The following FREM2 variants were observed in gnomAD, a reference collection of about 807,000 sequenced individuals.
FREM2 encodes FRAS1-related extracellular matrix protein 2.
Under a neutral mutation model 219.9 loss-of-function variants are expected in FREM2, and 119 were observed. The observed-to-expected ratio is 0.54, with a 90% CI of 0.47 to 0.63. The LOEUF (loss-of-function observed/expected upper bound fraction) is 0.63, where lower values mean the gene tolerates loss of function less well. FREM2 is among the 30% of genes least tolerant of loss of function. The pLI, the probability that FREM2 is intolerant of heterozygous loss-of-function variation, is 0.00. For missense variants in FREM2, 4,030 were observed against 3,993.6 expected (o/e 1.01, Z -0.25); for synonymous variants, 1,562 against 1,522.8 (o/e 1.03, Z -0.60).
chr13:38,732,287 G>C (rs1010912890), intron 2 of FREM2, among the ~76,000 whole-genome samples: 7 of 152,106 alleles, frequency 4.6e-5, no homozygotes, highest in African/African-American at 1.7e-4. Context: ...TGTCAATTCA[G>C]GTTTCATGTC....
At chr13:38,758,279 C>T (rs747788546) in intron 2 of FREM2, among the ~76,000 whole-genome samples, 16 of 152,160 alleles carry the variant, frequency 1.1e-4, no homozygotes, top group Non-Finnish European at 1.0e-4. Context: ...ATTTTTTAAA[C>T]CGGATTTCTT....
In FREM2 at chr13:38,689,270, G is replaced by A. The variant is rs1037243942; in HGVS notation, c.1926G>A (p.Glu642=). Residue 642 remains glutamate, a synonymous_variant, in exon 1 of 24, where the codon GAG becomes GAA. Transcript: ENST00000280481. ...CATTTTATGAGCGAACAGTGACAGA[G>A]TGGCAGCAGCAGGACATAACAGAGG... is the stretch of plus-strand genomic sequence containing the variant. ...EGAFYERTVT[E]WQQQDITEGR... is the part of the protein sequence containing the mutation. 2 of 1,614,134 alleles carry A rather than the reference G, an allele frequency of 1.2e-6. No individual in the cohort carries two copies. Among genetic ancestry groups the A allele is most frequent in the Non-Finnish European group, 1.7e-6 (2 of 1,180,038 alleles).
chr13:38,689,160 A>G lies in FREM2; in HGVS notation c.1816A>G (p.Thr606Ala). The change falls in exon 1 of 24, where the codon ACT (threonine) becomes GCT (alanine). Residue 606 changes from threonine to alanine, a missense_variant. By Grantham distance (58) the Thr-to-Ala change is moderately conservative. This residue lies in a region of FREM2 where 3,102 missense variants were observed against 2,950.7 expected (regional missense o/e 1.05). Transcript: ENST00000280481. ...TTTTGTGCTGGAGTCACCCTTCTTA[A>G]CTACGGGGCATCTGCTTCTCCGCCA... ...LLFVLESPFLTTGHLLLRQTH... is the reference protein window; with the variant it reads ...LLFVLESPFLATGHLLLRQTH... The G allele has an allele frequency of 4.3e-6, 7 of 1,613,904 alleles. No homozygotes were observed. Among genetic ancestry groups the G allele is most frequent in the Non-Finnish European group, 5.9e-6 (7 of 1,180,006 alleles).
At chr13:38,756,316 C>T (rs1389166283) in intron 2 of FREM2, among the ~76,000 whole-genome samples, 1 of 152,158 alleles carries the variant, frequency 6.6e-6, no homozygotes, top group East Asian at 1.9e-4. Context: ...CCTCTGGTCA[C>T]ATTTCATCAA....
chr13:38,861,543 C>T lies in FREM2; in HGVS notation c.7632C>T (p.Val2544=), dbSNP rs373999536. The T allele has an allele frequency of 1.9e-6, 3 of 1,613,842 alleles. No homozygotes were observed. The highest frequency in any genetic ancestry group is 2.5e-6 in the Non-Finnish European group (3 of 1,179,952). ...ADYTNLIKLT[V]TMPHIDGMLP... ...ACACAAACCTTATCAAGCTCACTGT[C>T]ACAATGCCACACATAGATGGTAGGT... The change falls in exon 15 of 24, where the codon GTC becomes GTT. Residue 2544 remains valine (V), a synonymous_variant. Transcript: ENST00000280481.
Position 38,691,696 on chromosome 13 carries a change from G to A in FREM2, c.4352G>A (p.Ser1451Asn), listed in dbSNP as rs768059632. The A allele has an allele frequency of 2.5e-6, 4 of 1,613,732 alleles. No individual in the cohort carries two copies. Among genetic ancestry groups the A allele is most frequent in the Non-Finnish European group, 3.4e-6 (4 of 1,179,778 alleles). ...CTACTAAGCACTAGTGACTTGAACAGTCCTGATGAAAACTTGGTTTTTACC... is the reference window on the plus strand; with the variant it reads ...CTACTAAGCACTAGTGACTTGAACAATCCTGATGAAAACTTGGTTTTTACC... ...TDLLSTSDLN[S>N]PDENLVFTIT... The change falls in exon 1 of 24, where the codon AGT becomes AAT. Residue 1451 changes from serine (S) to asparagine (N), a missense_variant. Physicochemically the swap from Ser to Asn is conservative, Grantham distance 46. Coordinates refer to ENST00000280481, the MANE Select transcript of FREM2 (RefSeq NM_207361.6).
intron 5 of FREM2, 135 bp from the exon 6 acceptor site, chr13:38,784,422 G>A (rs1874242978): frequency 1.2e-6 from 1 of 855,488 alleles, no homozygotes; most frequent in African/African-American, 1.7e-5. Context: ...ACAGTACGTA[G>A]TTGCTATTGC....
chr13:38,795,083 A>G (rs1874715969), intron 6 of FREM2, among the ~76,000 whole-genome samples: 1 of 152,088 alleles, frequency 6.6e-6, no homozygotes, highest in South Asian at 2.1e-4. Flanking sequence ...GCTGTAATGA[A>G]TCCTGAATCT....
chr13:38,848,733 A>G (rs1877259853), intron 8 of FREM2, 63 bp downstream of exon 8: 1 of 1,321,016 alleles, frequency 7.6e-7, no homozygotes, highest in Non-Finnish European at 1.1e-6. Flanking sequence ...AGGTTTATGT[A>G]TATATGATAA....
chr13:38,744,939 G>A, intron 2 of FREM2, among the ~76,000 whole-genome samples: 1 of 152,200 alleles, frequency 6.6e-6, no homozygotes, highest in Non-Finnish European at 1.5e-5. Context: ...CATTATTTAT[G>A]TGGTTTATAA....
intron 6 of FREM2, among the ~76,000 whole-genome samples, chr13:38,799,889 C>A (rs944544647): frequency 6.6e-6 from 1 of 152,060 alleles, no homozygotes; most frequent in Admixed American, 6.6e-5. Flanking sequence ...TTCTTATAGG[C>A]AGCATATATT....
At chr13:38,833,202 A>G (rs899948969) in intron 6 of FREM2, among the ~76,000 whole-genome samples, 1 of 152,204 alleles carries the variant, frequency 6.6e-6, no homozygotes, top group East Asian at 1.9e-4. Context: ...TATAACTGGC[A>G]TATGGTTTTG....
Position 38,687,572 on chromosome 13 carries a change from C to T in FREM2, c.228C>T (p.Asn76=), listed in dbSNP as rs1290891505. ...CTGAGGAGGCCATAGTGCTGGCGAA[C>T]CGCGGACTCCGGGTGCCTTTCGGCC... ...VPAEEAIVLA[N]RGLRVPFGRE... Residue 76 remains asparagine, a synonymous_variant, in exon 1 of 24, where the codon AAC becomes AAT. Coordinates refer to ENST00000280481, the MANE Select transcript of FREM2 (RefSeq NM_207361.6). 4 of 1,603,608 alleles carry T rather than the reference C, an allele frequency of 2.5e-6. No homozygotes were observed. Among genetic ancestry groups the T allele is most frequent in the Non-Finnish European group, 1.7e-6 (2 of 1,174,606 alleles).
intron 6 of FREM2, among the ~76,000 whole-genome samples, chr13:38,823,512 C>T (rs1876152355): frequency 6.6e-6 from 1 of 151,980 alleles, no homozygotes; most frequent in Non-Finnish European, 1.5e-5. Flanking sequence ...AAGCAGCATA[C>T]AATACCACAG....
intron 6 of FREM2, among the ~76,000 whole-genome samples, chr13:38,825,890 A>T (rs1396632737): frequency 1.3e-5 from 2 of 152,112 alleles, no homozygotes. Flanking sequence ...AATATATTAG[A>T]CAGGTTTTTA....
intron 15 of FREM2, among the ~76,000 whole-genome samples, 194 bp downstream of exon 15, chr13:38,861,756 T>G (rs1314805602): frequency 6.6e-6 from 1 of 152,252 alleles, no homozygotes; most frequent in African/African-American, 2.4e-5. Context: ...GTGTAAGCAT[T>G]CGTTAAAATT....
chr13:38,694,962 G>C (rs1332869194), intron 1 of FREM2, among the ~76,000 whole-genome samples: 3 of 152,082 alleles, frequency 2.0e-5, no homozygotes, highest in Admixed American at 6.6e-5. Context: ...ACCAGATGTG[G>C]CTGCCTGATA....
At chr13:38,749,536 C>G (rs1331368577) in intron 2 of FREM2, among the ~76,000 whole-genome samples, 1 of 152,096 alleles carries the variant, frequency 6.6e-6, no homozygotes, top group Non-Finnish European at 1.5e-5. Context: ...TTTCTCAACC[C>G]CAGTGCTATT....
intron 6 of FREM2, among the ~76,000 whole-genome samples, chr13:38,801,547 T>C (rs553616237): frequency 6.6e-6 from 1 of 152,356 alleles, no homozygotes; most frequent in South Asian, 2.1e-4. Flanking sequence ...GCATTACCTT[T>C]GATTTAAGTG....
Sources: gnomAD v4.1 joint callset for allele counts (sites outside exome capture counted in the v4.1 genomes callset) on GRCh38, gnomAD v4.1.1 for gene constraint, gnomAD v4.1.1 regional missense constraint, MANE v1.5 for transcripts, NCBI Gene and HGNC (gene_info 2026-07-23, HGNC 2026-07-21) for gene names.